The following SCHIP1 variants were observed in gnomAD, a reference collection of about 807,000 sequenced individuals.
The protein encoded by SCHIP1 is schwannomin interacting protein 1.
A neutral mutation model predicts 29.7 loss-of-function variants in SCHIP1; 8 were observed. The observed-to-expected ratio is 0.27, with a 90% CI of 0.16 to 0.49. The LOEUF (loss-of-function observed/expected upper bound fraction) is 0.49, where lower values mean the gene tolerates loss of function less well. Ranked by LOEUF, SCHIP1 falls within the 20% of genes least tolerant of loss-of-function variation. The pLI is 0.99. For synonymous variants in SCHIP1, 76 were observed against 94.9 expected (o/e 0.80, Z 1.16); for missense variants, 193 against 294.6 (o/e 0.66, Z 2.52).
the SCHIP1 span, among the ~76,000 whole-genome samples, chr3:159,395,691 G>T: frequency 6.6e-6 from 1 of 152,052 alleles, no homozygotes; most frequent in Admixed American, 6.6e-5. Context: ...GAGATAGTTT[G>T]TTATAATTTC....
the SCHIP1 span, among the ~76,000 whole-genome samples, chr3:159,580,492 A>C: frequency 3.3e-5 from 5 of 152,222 alleles, no homozygotes; most frequent in East Asian, 7.7e-4. Flanking sequence ...TGGCTGCTTC[A>C]GACAATCCAG....
chr3:159,510,406 G>A, the SCHIP1 span, among the ~76,000 whole-genome samples: 2 of 152,114 alleles, frequency 1.3e-5, no homozygotes, highest in Non-Finnish European at 2.9e-5. Flanking sequence ...ATTTGCCATG[G>A]GTTCGAACTT....
chr3:159,858,766 T>G (rs1713692207), intron 1 of SCHIP1, among the ~76,000 whole-genome samples: 1 of 152,170 alleles, frequency 6.6e-6, no homozygotes, highest in Admixed American at 6.6e-5. Flanking sequence ...ATCCTGGGCT[T>G]TAGATATCCG....
At chr3:159,624,370 A>G in the SCHIP1 span, among the ~76,000 whole-genome samples, 1 of 152,218 alleles carries the variant, frequency 6.6e-6, no homozygotes. Context: ...ACATTTTTAC[A>G]TTAAAGTCTA....
chr3:159,358,919 C>CTTTT, the SCHIP1 span, among the ~76,000 whole-genome samples: 1 of 136,922 alleles, frequency 7.3e-6, no homozygotes, highest in African/African-American at 2.9e-5. Flanking sequence ...GTATTAGCAT[C>CTTTT]CTTTTTTTTT....
chr3:159,546,850 T>C, the SCHIP1 span, among the ~76,000 whole-genome samples: 76 of 151,972 alleles, frequency 5.0e-4, 1 homozygote, highest in South Asian at 0.016. Context: ...GTTCCAAGTC[T>C]TTGCTATTGT....
the SCHIP1 span, among the ~76,000 whole-genome samples, chr3:159,411,842 C>T: frequency 1.3e-5 from 2 of 152,108 alleles, no homozygotes; most frequent in Non-Finnish European, 2.9e-5. Context: ...AATCAGACAA[C>T]ATTCAGGAGG....
At chr3:159,735,778 T>A in the SCHIP1 span, among the ~76,000 whole-genome samples, 2 of 152,258 alleles carry the variant, frequency 1.3e-5, no homozygotes, top group South Asian at 4.1e-4. Flanking sequence ...GGGAATCAAG[T>A]ATGCCATTTT....
the SCHIP1 span, among the ~76,000 whole-genome samples, chr3:159,718,183 C>T: frequency 0.044 from 6,732 of 152,246 alleles, 515 homozygotes; most frequent in African/African-American, 0.16. Context: ...TTTCAACAGC[C>T]TTTCATGCGA....
the SCHIP1 span, among the ~76,000 whole-genome samples, chr3:159,585,282 CTAAG>C: frequency 6.6e-6 from 1 of 152,106 alleles, no homozygotes; most frequent in Non-Finnish European, 1.5e-5. Context: ...TAGGTACTCA[CTAAG>C]TAATTATTAA....
the SCHIP1 span, among the ~76,000 whole-genome samples, chr3:159,694,391 G>A: frequency 1.3e-5 from 2 of 151,980 alleles, no homozygotes; most frequent in Non-Finnish European, 2.9e-5. Context: ...ATGGTGGCGG[G>A]TGCCTGTAAT....
chr3:159,431,944 T>A, the SCHIP1 span, among the ~76,000 whole-genome samples: 1 of 151,956 alleles, frequency 6.6e-6, no homozygotes, highest in East Asian at 1.9e-4. Context: ...ATTTACCTTT[T>A]TATCTTGGCA....
At chr3:159,579,576 C>CA in the SCHIP1 span, among the ~76,000 whole-genome samples, 1 of 152,034 alleles carries the variant, frequency 6.6e-6, no homozygotes, top group Non-Finnish European at 1.5e-5. Context: ...AGATAGGAGA[C>CA]AAAAAATATC....
At chr3:159,546,408 A>C in the SCHIP1 span, among the ~76,000 whole-genome samples, 1 of 152,012 alleles carries the variant, frequency 6.6e-6, no homozygotes, top group Non-Finnish European at 1.5e-5. Context: ...TTTTATTCCT[A>C]GTTTGCTAAG....
the SCHIP1 span, among the ~76,000 whole-genome samples, chr3:159,301,067 A>G: frequency 3.3e-5 from 5 of 152,226 alleles, no homozygotes; most frequent in African/African-American, 1.2e-4. Context: ...AATAGCACAT[A>G]TTGATAGTAC....
At chr3:159,273,778 C>T in the SCHIP1 span, 1 of 1,608,886 alleles carries the variant, frequency 6.2e-7, no homozygotes, top group African/African-American at 1.3e-5. Flanking sequence ...TTTGAATAAA[C>T]AACTCTTCCC....
intron 1 of SCHIP1, among the ~76,000 whole-genome samples, chr3:159,860,587 C>T (rs548722809): frequency 3.9e-5 from 6 of 152,190 alleles, no homozygotes; most frequent in African/African-American, 7.2e-5. Context: ...CAAGTACATC[C>T]GATAATTTTT....
chr3:159,620,036 A>G, the SCHIP1 span, among the ~76,000 whole-genome samples: 7 of 152,212 alleles, frequency 4.6e-5, no homozygotes, highest in Non-Finnish European at 8.8e-5. Flanking sequence ...ATGGATAGGT[A>G]TACTGACTCA....
At chr3:159,584,914 C>G in the SCHIP1 span, among the ~76,000 whole-genome samples, 2 of 152,030 alleles carry the variant, frequency 1.3e-5, no homozygotes, top group South Asian at 4.1e-4. Context: ...CCCAGGCATT[C>G]CCTGACTTGG....
Sources: gnomAD v4.1 joint callset for allele counts (sites outside exome capture counted in the v4.1 genomes callset) on GRCh38, gnomAD v4.1.1 for gene constraint, MANE v1.5 for transcripts, NCBI Gene and HGNC (gene_info 2026-07-23, HGNC 2026-07-21) for gene names.